Variants in LRRK1 observed in about 807,000 individuals in gnomAD.
The protein encoded by LRRK1 is leucine-rich repeat serine/threonine-protein kinase 1.
Under a neutral mutation model 209.1 loss-of-function variants are expected in LRRK1, and 113 were observed. The observed-to-expected ratio is 0.54, with a 90% confidence interval of 0.46 to 0.63. The LOEUF (loss-of-function observed/expected upper bound fraction) is 0.63. LRRK1 is among the 30% of genes least tolerant of loss of function. The pLI, the probability that LRRK1 is intolerant of heterozygous loss-of-function variation, is 0.00. For missense variants in LRRK1, 2,284 were observed against 2,632.2 expected (o/e 0.87, Z 2.89); for synonymous variants, 1,144 against 1,099.7 (o/e 1.04, Z -0.80).
Position 101,058,618 on chromosome 15 carries a change from G to GGGGT in LRRK1, c.4679+480_4679+481insTGGG, listed in dbSNP as rs35096812. Among the ~76,000 whole-genome samples, 4 of 11,198 alleles carry GGGGT rather than the reference G, an allele frequency of 3.6e-4. No homozygotes were observed. The Non-Finnish European group carries it at 4.9e-3, about 14-fold the overall frequency. 7.3% of individuals were successfully genotyped at this position (11,198 alleles called of 152,430 possible). A position where few individuals can be genotyped will look rare whatever the true frequency, so the allele number is the denominator to read the frequency against. The stretch of plus-strand genomic sequence containing the variant: ...TGCCCCAGATTGCAGAAGGGGCAAC[G>GGGGT]GGGGGGGGCGTCTAAACAGAGTTGG... On this transcript the variant is annotated intron_variant, in intron 29 of 33. Transcript: ENST00000388948.
At chr15:101,045,814 C>T (rs371331024) in intron 20 of LRRK1, among the ~76,000 whole-genome samples, 167 bp from the exon 21 acceptor site, 7 of 152,304 alleles carry the variant, frequency 4.6e-5, no homozygotes, top group East Asian at 3.9e-4. Flanking sequence ...ATATAAACCA[C>T]GCTTCTCTTA....
intron 2 of LRRK1, among the ~76,000 whole-genome samples, chr15:100,941,410 C>CCTGTA (rs2042420533): frequency 5.5e-4 from 8 of 14,482 alleles, no homozygotes; most frequent in African/African-American, 1.0e-3. Context: ...CTGTGTGTGT[C>CCTGTA]TCTGTGTGTG....
At position 101,027,498 on chromosome 15, in the gene LRRK1, T is replaced by C; in HGVS notation, c.2526+117T>C. Reference sequence around the variant, plus strand: ...CTGTGTGGCAAGGCTCGGTGGTTCCTGGTGAGGGAGGGTCAGGATGGAAGA... The same window carrying C: ...CTGTGTGGCAAGGCTCGGTGGTTCCCGGTGAGGGAGGGTCAGGATGGAAGA... On this transcript the variant is annotated intron_variant, in intron 18 of 33. Coordinates refer to ENST00000388948, the MANE Select transcript of LRRK1 (RefSeq NM_024652.6). This position sits in a 1 kb window ranked among gnomAD's most constrained non-coding sequence, Gnocchi z 5.1. 1 of 1,512,632 alleles carries C rather than the reference T, an allele frequency of 6.6e-7. No individual in the cohort carries two copies. Among genetic ancestry groups the C allele is most frequent in the Non-Finnish European group, 8.9e-7 (1 of 1,123,010 alleles). 93.7% of individuals were successfully genotyped at this position (1,512,632 alleles called of 1,614,324 possible). A position where few individuals can be genotyped will look rare whatever the true frequency, so the allele number is the denominator to read the frequency against.
At chr15:101,003,165 C>T (rs1417837568) in intron 6 of LRRK1, among the ~76,000 whole-genome samples, 4 of 152,192 alleles carry the variant, frequency 2.6e-5, no homozygotes, top group Non-Finnish European at 5.9e-5. Context: ...AGCCCCAGAC[C>T]AGGTAGAAAT....
chr15:100,939,125 T>C (rs993224388), intron 2 of LRRK1, among the ~76,000 whole-genome samples: 4 of 152,044 alleles, frequency 2.6e-5, no homozygotes, highest in Non-Finnish European at 5.9e-5. Context: ...ATATCAAATA[T>C]CTAGTCAGTG....
At chr15:100,936,886 G>A (rs575679331) in intron 2 of LRRK1, among the ~76,000 whole-genome samples, 2 of 152,336 alleles carry the variant, frequency 1.3e-5, no homozygotes, top group South Asian at 2.1e-4. Context: ...TACTAAAAAT[G>A]TTGGATTAAA....
intron 28 of LRRK1, among the ~76,000 whole-genome samples, chr15:101,057,359 G>A (rs2035870299): frequency 6.6e-6 from 1 of 152,212 alleles, no homozygotes; most frequent in South Asian, 2.1e-4. Context: ...GAATGTGGGT[G>A]TCTCTTTGTA....
intron 6 of LRRK1, among the ~76,000 whole-genome samples, chr15:100,995,594 C>T (rs1045727541): frequency 6.6e-6 from 1 of 152,148 alleles, no homozygotes; most frequent in Non-Finnish European, 1.5e-5. Context: ...TGGTGAACAT[C>T]GGGTCAATGT....
intron 2 of LRRK1, among the ~76,000 whole-genome samples, chr15:100,972,336 G>A (rs28693529): frequency 1.6e-3 from 60 of 36,634 alleles, no homozygotes; most frequent in South Asian, 5.1e-3. Flanking sequence ...ATATATATAT[G>A]AGAGAGAGAG....
At chr15:100,938,128 G>A (rs1762071255) in intron 2 of LRRK1, among the ~76,000 whole-genome samples, 1 of 151,834 alleles carries the variant, frequency 6.6e-6, no homozygotes, top group African/African-American at 2.4e-5. Flanking sequence ...CAAGGTGCTG[G>A]GATTACAGAT....
At chr15:101,026,321 G>A (rs1321971168) in intron 17 of LRRK1, among the ~76,000 whole-genome samples, 184 bp downstream of exon 17, 2 of 152,260 alleles carry the variant, frequency 1.3e-5, no homozygotes, top group Non-Finnish European at 2.9e-5. Flanking sequence ...ACGGCTGGCT[G>A]GTTGAGGCCT....
intron 2 of LRRK1, among the ~76,000 whole-genome samples, chr15:100,929,635 A>G (rs2042174259): frequency 1.3e-5 from 2 of 152,318 alleles, no homozygotes; most frequent in Middle Eastern, 3.4e-3. Flanking sequence ...AAAGTCTACG[A>G]GGGACAGATC....
chr15:100,949,218 T>TA (rs1357203701), intron 2 of LRRK1, among the ~76,000 whole-genome samples: 5 of 151,512 alleles, frequency 3.3e-5, no homozygotes, highest in East Asian at 1.9e-4. Context: ...CTTATAGAAA[T>TA]AAAAAAAGAT....
intron 11 of LRRK1, 34 bp downstream of exon 11, chr15:101,014,462 A>G (rs1171504375): frequency 1.4e-6 from 2 of 1,448,146 alleles, no homozygotes; most frequent in Admixed American, 3.4e-5. Context: ...GGCCAGTTCC[A>G]AAGCGTGTGT....
intron 3 of LRRK1, among the ~76,000 whole-genome samples, chr15:100,975,858 T>C (rs567687213): frequency 6.6e-6 from 1 of 152,174 alleles, no homozygotes; most frequent in Admixed American, 6.5e-5. Context: ...AGTTTTGAAA[T>C]AGAAAGCAAA....
At chr15:100,987,254 T>C (rs2031925851) in intron 4 of LRRK1, among the ~76,000 whole-genome samples, 2 of 152,006 alleles carry the variant, frequency 1.3e-5, no homozygotes, top group East Asian at 3.9e-4. Context: ...AAGGAGAGAG[T>C]CACTCTCTCC....
chr15:101,057,084 C>A, intron 28 of LRRK1, 34 bp downstream of exon 28: 1 of 1,531,824 alleles, frequency 6.5e-7, no homozygotes, highest in South Asian at 1.3e-5. Context: ...GGCCTGGGAC[C>A]TCCTGCCATG....
chr15:101,010,973 G>GTA, intron 9 of LRRK1, 136 bp downstream of exon 9: 6 of 715,864 alleles, frequency 8.4e-6, no homozygotes. Context: ...TTCCCACATT[G>GTA]TAAGCATCGT....
intron 4 of LRRK1, among the ~76,000 whole-genome samples, chr15:100,987,385 A>G (rs961103058): frequency 6.6e-6 from 1 of 152,162 alleles, no homozygotes; most frequent in African/African-American, 2.4e-5. Flanking sequence ...ACTAGACCCA[A>G]AAGATATTGC....
Sources: gnomAD v4.1 joint callset for allele counts (sites outside exome capture counted in the v4.1 genomes callset) on GRCh38, gnomAD v4.1.1 for gene constraint, Gnocchi (gnomAD v3.1) non-coding constraint, MANE v1.5 for transcripts, NCBI Gene and HGNC (gene_info 2026-07-23, HGNC 2026-07-21) for gene names.